The following GSG1L variants were observed in gnomAD, a reference collection of about 807,000 sequenced individuals.
GSG1L encodes germ cell-specific gene 1-like protein.
In GSG1L, 24 loss-of-function variants were observed where a neutral mutation model predicts 42.1. The observed-to-expected ratio is 0.57, with a 90% confidence interval of 0.41 to 0.80. GSG1L has a LOEUF of 0.80. Ranked by LOEUF, GSG1L falls within the 30% of genes least tolerant of loss-of-function variation. The pLI is 0.00. For synonymous variants in GSG1L, 215 were observed against 203.5 expected (o/e 1.06, Z -0.48); for missense variants, 445 against 472.2 (o/e 0.94, Z 0.53).
At chr16:28,028,750 C>G (rs936075361) in intron 1 of GSG1L, among the ~76,000 whole-genome samples, 8 of 152,182 alleles carry the variant, frequency 5.3e-5, no homozygotes, top group Admixed American at 6.5e-5. Flanking sequence ...GAGCCAGCCT[C>G]AGGCTCGGGG....
intron 4 of GSG1L, among the ~76,000 whole-genome samples, chr16:27,838,236 A>C (rs1040059142): frequency 6.6e-6 from 1 of 152,256 alleles, no homozygotes. Flanking sequence ...TGTGGAATGA[A>C]TGGATAAACA....
chr16:28,052,078 G>A (rs1038349635), intron 1 of GSG1L, among the ~76,000 whole-genome samples: 2 of 152,096 alleles, frequency 1.3e-5, no homozygotes, highest in Admixed American at 1.3e-4. Context: ...TGAGCTGTGT[G>A]AGGATGAGTG....
intron 1 of GSG1L, among the ~76,000 whole-genome samples, chr16:28,056,868 C>T (rs2086284997): frequency 6.6e-6 from 1 of 152,028 alleles, no homozygotes; most frequent in Non-Finnish European, 1.5e-5. Context: ...GTGGGGACAT[C>T]AGGGGTGCAG....
At chr16:27,801,470 G>T (rs999483308) in intron 6 of GSG1L, among the ~76,000 whole-genome samples, 1 of 152,080 alleles carries the variant, frequency 6.6e-6, no homozygotes, top group Non-Finnish European at 1.5e-5. Context: ...TCCTCCTGCC[G>T]GCAAGTCAGC....
At chr16:27,820,244 A>T (rs1016555139) in intron 5 of GSG1L, among the ~76,000 whole-genome samples, 1 of 152,166 alleles carries the variant, frequency 6.6e-6, no homozygotes, top group Non-Finnish European at 1.5e-5. Context: ...TTCTTCTAAT[A>T]TGGGGGCCCT....
chr16:27,922,930 G>A (rs1482630938), intron 2 of GSG1L, among the ~76,000 whole-genome samples: 1 of 152,228 alleles, frequency 6.6e-6, no homozygotes, highest in South Asian at 2.1e-4. Context: ...TAGGACCACA[G>A]GCACCCGCCA....
chr16:27,803,200 C>T (rs1049823932), intron 6 of GSG1L, among the ~76,000 whole-genome samples: 3 of 152,098 alleles, frequency 2.0e-5, no homozygotes, highest in South Asian at 4.1e-4. Flanking sequence ...TGCTGTCCCC[C>T]CAGCTCCACG....
chr16:28,002,004 AC>A (rs1430254751), intron 1 of GSG1L, among the ~76,000 whole-genome samples: 1 of 152,152 alleles, frequency 6.6e-6, no homozygotes, highest in African/African-American at 2.4e-5. Flanking sequence ...TGGCAGTCTA[AC>A]TCTGGGCCAT....
chr16:27,868,810 C>T (rs1295871172), intron 3 of GSG1L, among the ~76,000 whole-genome samples: 2 of 152,108 alleles, frequency 1.3e-5, no homozygotes, highest in African/African-American at 4.8e-5. Flanking sequence ...CATCGTCTGC[C>T]CGTCTGCTGC....
intron 4 of GSG1L, among the ~76,000 whole-genome samples, chr16:27,840,432 A>C (rs1383882695): frequency 6.6e-6 from 1 of 152,060 alleles, no homozygotes; most frequent in Non-Finnish European, 1.5e-5. Context: ...TGCCACGTTA[A>C]GCCAAGCAGC....
intron 1 of GSG1L, among the ~76,000 whole-genome samples, chr16:27,969,747 G>A (rs900310352): frequency 1.3e-5 from 2 of 152,198 alleles, no homozygotes; most frequent in African/African-American, 4.8e-5. Context: ...TGAGTCATAT[G>A]TAACTCTATA....
intron 1 of GSG1L, among the ~76,000 whole-genome samples, chr16:27,993,114 C>T (rs750276646): frequency 2.1e-4 from 32 of 152,064 alleles, no homozygotes; most frequent in Non-Finnish European, 3.7e-4. Context: ...GTCAGGATTC[C>T]GGCCCAAGCA....
intron 1 of GSG1L, among the ~76,000 whole-genome samples, chr16:28,014,937 T>G (rs542080227): frequency 4.4e-4 from 67 of 152,374 alleles, no homozygotes; most frequent in Non-Finnish European, 8.7e-4. Context: ...AGTACTAACC[T>G]GGCCCCTGCC....
intron 1 of GSG1L, among the ~76,000 whole-genome samples, chr16:28,025,429 T>TAC (rs2085889564): frequency 6.6e-6 from 1 of 152,212 alleles, no homozygotes; most frequent in Non-Finnish European, 1.5e-5. Flanking sequence ...GCTCGAACCC[T>TAC]ACATCCAGTT....
intron 3 of GSG1L, among the ~76,000 whole-genome samples, chr16:27,853,078 G>A (rs770846126): frequency 5.3e-5 from 8 of 152,106 alleles, no homozygotes; most frequent in South Asian, 4.1e-4. Context: ...ACAGCCTCCC[G>A]CGGAAAAAAA....
chr16:28,052,439 C>T (rs547478073), intron 1 of GSG1L, among the ~76,000 whole-genome samples: 43 of 152,200 alleles, frequency 2.8e-4, no homozygotes, highest in African/African-American at 8.7e-4. Context: ...CAGGTCTCTG[C>T]TCTCTAAGCA....
At chr16:28,014,781 T>G (rs205375) in intron 1 of GSG1L, among the ~76,000 whole-genome samples, 119,910 of 151,644 alleles carry the variant, frequency 0.79, 47,871 homozygotes, top group South Asian at 0.84. Flanking sequence ...TTACAGGCAT[T>G]AACCACCGTG....
At chr16:27,979,792 G>GA (rs2085304226) in intron 1 of GSG1L, among the ~76,000 whole-genome samples, 1 of 126,026 alleles carries the variant, frequency 7.9e-6, no homozygotes, top group African/African-American at 3.1e-5. Context: ...GAAAAAGAAA[G>GA]AAAGGAAAGA....
chr16:27,849,860 C>A (rs74566960), intron 3 of GSG1L, among the ~76,000 whole-genome samples: 6,721 of 149,714 alleles, frequency 0.045, 480 homozygotes, highest in African/African-American at 0.15. Context: ...CAATAGGACT[C>A]GCTGTTGGGC....
Sources: gnomAD v4.1 joint callset for allele counts (sites outside exome capture counted in the v4.1 genomes callset) on GRCh38, gnomAD v4.1.1 for gene constraint, MANE v1.5 for transcripts, NCBI Gene and HGNC (gene_info 2026-07-23, HGNC 2026-07-21) for gene names.